GRIN3B: variants seen among roughly 807,000 people sequenced by gnomAD.
GRIN3B encodes the protein glutamate ionotropic receptor NMDA type subunit 3B.
A neutral mutation model predicts 66.0 loss-of-function variants in GRIN3B; 77 were observed. The ratio of observed to expected loss-of-function variants is 1.17; its 90% confidence interval spans 0.97 to 1.41. The LOEUF (loss-of-function observed/expected upper bound fraction) is 1.41. Ranked by LOEUF, GRIN3B falls within the 40% of genes most tolerant of loss-of-function variation. The pLI, the probability that GRIN3B is intolerant of heterozygous loss-of-function variation, is 0.00. For missense variants in GRIN3B, 1,787 were observed against 1,564.5 expected (o/e 1.14, Z -2.40); for synonymous variants, 823 against 749.7 (o/e 1.10, Z -1.60).
In GRIN3B at chr19:1,008,705, G is replaced by T; in HGVS notation, c.2554G>T (p.Glu852Ter). The change falls in exon 7 of 9, where the codon GAG becomes TAG. Residue 852 changes from glutamate (E) to a stop codon, truncating the protein, a stop_gained. Coordinates refer to ENST00000234389, the MANE Select transcript of GRIN3B (RefSeq NM_138690.3). LOFTEE classifies it high-confidence loss of function. ...LGSALLSSLG[E>*]HAFFRLALPR... Reference sequence around the variant, plus strand: ...CAGCGCTCTGCTCAGCTCGCTGGGCGAGCACGCCTTCTTCCGCCTGGCGCT... The same window carrying T: ...CAGCGCTCTGCTCAGCTCGCTGGGCTAGCACGCCTTCTTCCGCCTGGCGCT... The T allele has an allele frequency of 6.2e-7, 1 of 1,608,116 alleles. No individual in the cohort carries two copies.
At chr19:1,004,499 A>ACGC in intron 2 of GRIN3B, 22 bp from the exon 3 acceptor site, 228 of 1,526,370 alleles carry the variant, frequency 1.5e-4, no homozygotes, top group East Asian at 1.7e-4. Context: ...GACACCTGAC[A>ACGC]CCCCCCCCGC....
At chr19:1,003,109 C>T in intron 1 of GRIN3B, 21 bp from the exon 2 acceptor site, 1 of 1,412,258 alleles carries the variant, frequency 7.1e-7, no homozygotes, top group African/African-American at 1.5e-5. Flanking sequence ...TCAACCCTAA[C>T]CGTGGCCACC....
chr19:1,008,083 G>A, intron 5 of GRIN3B, 57 bp from the exon 6 acceptor site: 10 of 1,564,974 alleles, frequency 6.4e-6, no homozygotes, highest in Non-Finnish European at 8.7e-6. Flanking sequence ...ACGTGTGCGG[G>A]CAGAGTTCCC....
In GRIN3B at chr19:1,009,218, G is replaced by A. The variant is rs780958818; in HGVS notation, c.2748G>A (p.Thr916=). Residue 916 remains threonine (T), a synonymous_variant, in exon 9 of 9, where the codon ACG becomes ACA. Transcript: ENST00000234389. ...AGCAGCAGCAGCAGGACCAGCCAAC[G>A]GCTCCGGAGGGCTGGAAACGGGCGC... The part of the protein sequence containing the change: ...EQQQQQQDQP[T]APEGWKRARR... 1 of 1,465,266 alleles carries A rather than the reference G, an allele frequency of 6.8e-7. No individual in the cohort carries two copies. The highest frequency in any genetic ancestry group is 8.9e-7 in the Non-Finnish European group (1 of 1,119,824). 90.8% of individuals were successfully genotyped at this position (1,465,266 alleles called of 1,614,324 possible).
At chr19:1,008,593 G>A (rs772031959) in intron 6 of GRIN3B, 25 bp from the exon 7 acceptor site, 2 of 1,589,096 alleles carry the variant, frequency 1.3e-6, no homozygotes, top group Non-Finnish European at 1.7e-6. Context: ...GTGACCGTGC[G>A]GGGCTCCTGC....
At position 1,005,663 on chromosome 19, in the gene GRIN3B, C is replaced by A; in HGVS notation, c.2052+110C>A. The A allele has an allele frequency of 7.8e-6, 6 of 774,122 alleles. No individual in the cohort carries two copies. The highest frequency in any genetic ancestry group is 1.9e-5 in the South Asian group (1 of 53,346). 48.0% of individuals were successfully genotyped at this position (774,122 alleles called of 1,614,324 possible). A position where few individuals can be genotyped will look rare whatever the true frequency, so the allele number is the denominator to read the frequency against. ...TGGACGTGGAGGACGTCCACTAGGC[C>A]AACTCTGGTCCCAAGAGACATTTAT... On this transcript the variant is annotated intron_variant, in intron 3 of 8. Transcript: ENST00000234389. The surrounding 1 kb of genome is among the most constrained non-coding windows in gnomAD (Gnocchi z 5.2).
In GRIN3B at chr19:1,008,698, G is replaced by T. The variant is rs532189723; in HGVS notation, c.2547G>T (p.Ser849=). 1.9e-6 allele frequency: 3 copies of T among 1,607,468 alleles called. No individual in the cohort carries two copies. The East Asian group carries it at 6.7e-5, about 36-fold the overall frequency. Residue 849 remains serine, a synonymous_variant, in exon 7 of 9, where the codon TCG becomes TCT. Coordinates refer to ENST00000234389, the MANE Select transcript of GRIN3B (RefSeq NM_138690.3). The part of the protein sequence containing the change: ...CLGLGSALLS[S]LGEHAFFRLA... ...GCCTGGGCAGCGCTCTGCTCAGCTC[G>T]CTGGGCGAGCACGCCTTCTTCCGCC...
Position 1,007,601 on chromosome 19 carries a change from G to C in GRIN3B, c.2053-27G>C, listed in dbSNP as rs2038764512. 7 of 1,467,458 alleles carry C rather than the reference G, an allele frequency of 4.8e-6. No homozygotes were observed. The highest frequency in any genetic ancestry group is 6.3e-6 in the Non-Finnish European group (7 of 1,112,114). 90.9% of individuals were successfully genotyped at this position (1,467,458 alleles called of 1,614,324 possible). A position where few individuals can be genotyped will look rare whatever the true frequency, so the allele number is the denominator to read the frequency against. On this transcript the variant is annotated intron_variant, in intron 3 of 8. Transcript: ENST00000234389. The surrounding 1 kb of genome is among the most constrained non-coding windows in gnomAD (Gnocchi z 4.4). The stretch of plus-strand genomic sequence containing the variant: ...GGTCAGGGGTCCTGAGGGGCAGGCA[G>C]AGGCGCTGACGGGGTCCCCCGCGCA...
rs890188741 is a variant in GRIN3B at position 1,008,194 on chromosome 19, T to G, written c.2369T>G (p.Phe790Cys). The part of the protein sequence containing the change: ...NSPLTSNLSE[F>C]ISRYKSSGFI... The stretch of plus-strand genomic sequence containing the variant: ...CCGCTCACCTCCAACCTGTCCGAGT[T>G]CATCAGCCGCTACAAGTCCTCCGGC... Residue 790 changes from phenylalanine to cysteine, a missense_variant, in exon 6 of 9, where the codon TTC becomes TGC. Physicochemically the swap from Phe to Cys is radical, Grantham distance 205 (BLOSUM62 -2). Transcript: ENST00000234389. 12 of 1,611,046 alleles carry G rather than the reference T, an allele frequency of 7.4e-6. No homozygotes were observed. The highest frequency in any genetic ancestry group is 1.0e-5 in the Non-Finnish European group (12 of 1,179,284).
Position 1,003,553 on chromosome 19 carries a change from G to T in GRIN3B, c.850G>T (p.Val284Leu), listed in dbSNP as rs906909579. 1.3e-6 allele frequency: 2 copies of T among 1,516,834 alleles called. No individual in the cohort carries two copies. Among genetic ancestry groups the T allele is most frequent in the East Asian group, 5.1e-5 (2 of 39,284 alleles). The allele number at this position is 1,516,834 out of a possible 1,614,324, so 94.0% of individuals were successfully genotyped here. A position where few individuals can be genotyped will look rare whatever the true frequency, so the allele number is the denominator to read the frequency against. Reference sequence around the variant, plus strand: ...ACCAGGGCTGCTGGCGCTGGGCGAGGTGGCACGACCCCCGCTGGAGGCCGC... The same window carrying T: ...ACCAGGGCTGCTGGCGCTGGGCGAGTTGGCACGACCCCCGCTGGAGGCCGC... The part of the protein sequence containing the change: ...LPPGLLALGE[V>L]ARPPLEAAIH... The change falls in exon 2 of 9, where the codon GTG becomes TTG. Residue 284 changes from valine (V) to leucine (L), a missense_variant. By Grantham distance (32) the Val-to-Leu change is conservative. Coordinates refer to ENST00000234389, the MANE Select transcript of GRIN3B (RefSeq NM_138690.3).
In GRIN3B at chr19:1,008,916, G is replaced by C; in HGVS notation, c.2691G>C (p.Glu897Asp). ...PPEGSKEETA[E>D]AEPSGPEVEQ... ...AGGGGTCGAAGGAGGAGACGGCAGA[G>C]GCGGAGCCCAGGTAAGTGGTGGTCG... Residue 897 changes from glutamate (E) to aspartate (D), a missense_variant, in exon 8 of 9, where the codon GAG becomes GAC. Physicochemically the swap from Glu to Asp is conservative, Grantham distance 45. Transcript: ENST00000234389. 6.2e-7 allele frequency: 1 copy of C among 1,608,560 alleles called. No homozygotes were observed. The highest frequency in any genetic ancestry group is 8.5e-7 in the Non-Finnish European group (1 of 1,177,968).
intron 6 of GRIN3B, 93 bp downstream of exon 6, chr19:1,008,384 C>G (rs2038785840): frequency 8.1e-7 from 1 of 1,233,866 alleles, no homozygotes; most frequent in South Asian, 1.4e-5. Flanking sequence ...TGCTCATTCC[C>G]CAGACGTGCG....
In GRIN3B at chr19:1,009,524, G is replaced by C. The variant is rs768879894; in HGVS notation, c.3054G>C (p.Arg1018=). The change falls in exon 9 of 9, where the codon CGG becomes CGC. Residue 1018 remains arginine (R), a synonymous_variant. Transcript: ENST00000234389. ...AGCTCGGGGACAGCGCACGTCACCGGCCTCGGCGCTTGCTTCAGGCCAGAG... is the reference window on the plus strand; with the variant it reads ...AGCTCGGGGACAGCGCACGTCACCGCCCTCGGCGCTTGCTTCAGGCCAGAG... ...LAQLGDSARH[R]PRRLLQARAA... is the part of the protein sequence containing the mutation. 5.4e-6 allele frequency: 8 copies of C among 1,490,268 alleles called. No homozygotes were observed. The highest frequency in any genetic ancestry group is 1.3e-5 in the South Asian group (1 of 79,068). 92.3% of individuals were successfully genotyped at this position (1,490,268 alleles called of 1,614,324 possible).
intron 7 of GRIN3B, 21 bp from the exon 8 acceptor site, chr19:1,008,836 C>T (rs778796499): frequency 2.3e-5 from 36 of 1,599,720 alleles, no homozygotes; most frequent in Middle Eastern, 1.7e-4. Context: ...CCTCGCCAAC[C>T]GGGTCTGTCT....
rs61736783 is a variant in GRIN3B at position 1,004,809 on chromosome 19, C to T, written c.1308C>T (p.Asp436=). ...TGTTTGCCCGTGATCCAGACGAAGA[C>T]GGGCAGTGCCCAGCGGGGCAGCTGT... is the stretch of plus-strand genomic sequence containing the variant. ...PFVFARDPDE[D]GQCPAGQLCL... is the part of the protein sequence containing the mutation. The change falls in exon 3 of 9, where the codon GAC becomes GAT. Residue 436 remains aspartate, a synonymous_variant. Transcript: ENST00000234389. 0.07 allele frequency: 112,124 copies of T among 1,612,752 alleles called. 5,168 individuals are homozygous for T. Among genetic ancestry groups the T allele is most frequent in the East Asian group, 0.21 (9,418 of 44,858 alleles).
intron 8 of GRIN3B, 65 bp downstream of exon 8, chr19:1,008,992 C>T (rs1261050535): frequency 5.2e-6 from 8 of 1,540,384 alleles, no homozygotes; most frequent in Non-Finnish European, 6.1e-6. Context: ...ACCAGCTCGC[C>T]CCGAAGCCGG....
Position 1,007,635 on chromosome 19 carries a change from AC to A in GRIN3B, c.2063del (p.Pro688ArgfsTer75). 6.6e-7 allele frequency: 1 copy of A among 1,512,358 alleles called. No individual in the cohort carries two copies. The allele number at this position is 1,512,358 out of a possible 1,614,324, so 93.7% of individuals were successfully genotyped here. A position where few individuals can be genotyped will look rare whatever the true frequency, so the allele number is the denominator to read the frequency against. On this transcript the variant is annotated frameshift_variant, in exon 4 of 9. Transcript: ENST00000234389. LOFTEE classifies it high-confidence loss of function. This position sits in a 1 kb window ranked among gnomAD's most constrained non-coding sequence, Gnocchi z 4.4. ...LSGIHDPKLH[H>X]PAQGFRFGTV... ...ACGGGGTCCCCCGCGCAGCTGCACCACCCGGCGCAGGGCTTCCGCTTCGGCA... is the reference window on the plus strand; with the variant it reads ...ACGGGGTCCCCCGCGCAGCTGCACCACCGGCGCAGGGCTTCCGCTTCGGCA...
chr19:1,009,369 G>A lies in GRIN3B; in HGVS notation c.2899G>A (p.Gly967Ser), dbSNP rs1430556059. 5 of 1,370,516 alleles carry A rather than the reference G, an allele frequency of 3.6e-6. No homozygotes were observed. The highest frequency in any genetic ancestry group is 1.5e-5 in the African/African-American group (1 of 64,828). 84.9% of individuals were successfully genotyped at this position (1,370,516 alleles called of 1,614,324 possible). A position where few individuals can be genotyped will look rare whatever the true frequency, so the allele number is the denominator to read the frequency against. ...GGGCCCCGTCTGGCTGTGCTCCTAC[G>A]GCCGCCCGCCCGCCGCAAGGCCCAC... ...REGPVWLCSY[G>S]RPPAARPTGA... is the part of the protein sequence containing the mutation. The change falls in exon 9 of 9, where the codon GGC becomes AGC. Residue 967 changes from glycine to serine, a missense_variant. Transcript: ENST00000234389.
Position 1,008,141 on chromosome 19 carries a change from C to T in GRIN3B, c.2316C>T (p.Gly772=). 1 of 1,592,420 alleles carries T rather than the reference C, an allele frequency of 6.3e-7. No individual in the cohort carries two copies. The highest frequency in any genetic ancestry group is 8.5e-7 in the Non-Finnish European group (1 of 1,169,830). ...LTVGKPFAIE[G]YGIGLPQNSP... ...CACCGCCTGGCCCCGCGCCCCCAGG[C>T]TATGGGATCGGACTGCCCCAGAACT... The change falls in exon 6 of 9, where the codon GGC becomes GGT. Residue 772 remains glycine, a splice_region_variant and synonymous_variant. Transcript: ENST00000234389.
Sources: allele counts gnomAD v4.1 joint callset, GRCh38; gene constraint gnomAD v4.1.1; non-coding constraint Gnocchi (gnomAD v3.1); transcripts MANE v1.5; gene names NCBI Gene and HGNC (gene_info 2026-07-23, HGNC 2026-07-21).